Variants in XKR6 observed in about 807,000 individuals in gnomAD.
XKR6 encodes XK-related protein 6.
A neutral mutation model predicts 56.7 loss-of-function variants in XKR6; 22 were observed. The ratio of observed to expected loss-of-function variants is 0.39; its 90% CI spans 0.28 to 0.55. The LOEUF (loss-of-function observed/expected upper bound fraction) is 0.55. Ranked by LOEUF, XKR6 falls within the 20% of genes least tolerant of loss-of-function variation. The pLI, the probability that XKR6 is intolerant of heterozygous loss-of-function variation, is 0.66. For missense variants in XKR6, 852 were observed against 889.0 expected, an observed-to-expected ratio of 0.96 and a Z score of 0.53; for synonymous variants, 524 against 387.8, an observed-to-expected ratio of 1.35 and a Z score of -4.13.
chr8:10,951,295 GT>G lies in XKR6; in HGVS notation c.765-26466del, dbSNP rs1181125312. Among the ~76,000 whole-genome samples the G allele has an allele frequency of 1.1e-3, 148 of 137,274 alleles. 1 individual carries two copies. The highest frequency in any genetic ancestry group is 1.7e-3 in the African/African-American group (51 of 30,350). The allele number at this position is 137,274 out of a possible 152,430, so 90.1% of individuals were successfully genotyped here. On this transcript the variant is annotated intron_variant, in intron 1 of 2. Transcript: ENST00000416569. ...CAGAGGGATAGAAAAGTGTGTGTGTGTGTGGGGGGGGGGGGCCCCCACAGTG... is the reference window on the plus strand; with the variant it reads ...CAGAGGGATAGAAAAGTGTGTGTGTGGTGGGGGGGGGGGGCCCCCACAGTG...
intron 1 of XKR6, among the ~76,000 whole-genome samples, chr8:11,016,753 C>T (rs1229321618): frequency 6.6e-6 from 1 of 152,230 alleles, no homozygotes; most frequent in Non-Finnish European, 1.5e-5. Flanking sequence ...CCCAACCCCT[C>T]CTTGCCCCGC....
chr8:10,938,608 T>C (rs1264713175), intron 1 of XKR6, among the ~76,000 whole-genome samples: 3 of 152,268 alleles, frequency 2.0e-5, no homozygotes, highest in Admixed American at 6.5e-5. Flanking sequence ...TCGATAGTTA[T>C]ATACAGTGTG....
intron 1 of XKR6, among the ~76,000 whole-genome samples, chr8:11,132,783 A>ACACACACACACG (rs1800174974): frequency 1.4e-5 from 2 of 145,796 alleles, no homozygotes; most frequent in Non-Finnish European, 3.0e-5. Context: ...ACACACACAC[A>ACACACACACACG]CACGCACATT....
intron 2 of XKR6, among the ~76,000 whole-genome samples, chr8:10,911,977 GAGAA>G (rs1386750663): frequency 3.4e-5 from 5 of 146,928 alleles, no homozygotes; most frequent in African/African-American, 1.3e-4. Context: ...CATATATATG[GAGAA>G]AGAGAGAGAA....
At chr8:10,969,245 T>C (rs1301538328) in intron 1 of XKR6, among the ~76,000 whole-genome samples, 2 of 152,110 alleles carry the variant, frequency 1.3e-5, no homozygotes, top group Non-Finnish European at 2.9e-5. Flanking sequence ...AGATGCATGG[T>C]TCCTGAAACT....
intron 1 of XKR6, among the ~76,000 whole-genome samples, chr8:11,046,340 C>T (rs543115257): frequency 9.2e-5 from 14 of 152,168 alleles, no homozygotes; most frequent in Middle Eastern, 6.8e-3. Context: ...ACAGAGGTTG[C>T]AATGAGCCGA....
chr8:11,039,539 A>G (rs565763702), intron 1 of XKR6, among the ~76,000 whole-genome samples: 3 of 152,216 alleles, frequency 2.0e-5, no homozygotes, highest in Non-Finnish European at 4.4e-5. Flanking sequence ...TGACGGACCC[A>G]TGGCTGGGGC....
intron 1 of XKR6, among the ~76,000 whole-genome samples, chr8:11,075,824 G>C (rs567246834): frequency 3.3e-5 from 5 of 152,230 alleles, no homozygotes; most frequent in African/African-American, 1.2e-4. Context: ...AGTGAGCTGA[G>C]ATCACACCAT....
chr8:11,145,332 C>T (rs1216620787), intron 1 of XKR6, among the ~76,000 whole-genome samples: 2 of 152,188 alleles, frequency 1.3e-5, no homozygotes, highest in Admixed American at 6.5e-5. Context: ...GCACCAGAAA[C>T]GTCTCTAAGT....
chr8:11,148,459 C>A (rs1011857396), intron 1 of XKR6, among the ~76,000 whole-genome samples: 3 of 152,192 alleles, frequency 2.0e-5, no homozygotes, highest in African/African-American at 7.2e-5. Flanking sequence ...GACTCCAGAA[C>A]TCTGAAGAAA....
chr8:10,943,974 T>G (rs754510257), intron 1 of XKR6, among the ~76,000 whole-genome samples: 6 of 152,068 alleles, frequency 3.9e-5, no homozygotes, highest in Non-Finnish European at 5.9e-5. Context: ...TGCCTCTGTT[T>G]CCCACCCCTG....
intron 1 of XKR6, among the ~76,000 whole-genome samples, chr8:10,990,717 C>T (rs928942659): frequency 7.9e-5 from 12 of 151,924 alleles, no homozygotes; most frequent in Non-Finnish European, 1.5e-5. Context: ...GTAGCTGGGA[C>T]CACAGGCATG....
intron 1 of XKR6, among the ~76,000 whole-genome samples, chr8:10,997,675 G>A (rs1462600727): frequency 2.6e-5 from 4 of 152,196 alleles, no homozygotes; most frequent in Non-Finnish European, 5.9e-5. Context: ...GTGTGGAAAT[G>A]CAATGAGGCT....
At chr8:11,154,135 GT>G (rs1249990475) in intron 1 of XKR6, among the ~76,000 whole-genome samples, 3 of 152,172 alleles carry the variant, frequency 2.0e-5, no homozygotes, top group African/African-American at 7.2e-5. Flanking sequence ...TAGGGTGGGG[GT>G]TGGCCACACT....
chr8:11,032,615 G>A (rs1799018817), intron 1 of XKR6, among the ~76,000 whole-genome samples: 1 of 152,172 alleles, frequency 6.6e-6, no homozygotes, highest in Admixed American at 6.5e-5. Context: ...AGAAGGGAGG[G>A]AAGTTGAGGG....
chr8:11,007,965 C>G (rs553054921), intron 1 of XKR6, among the ~76,000 whole-genome samples: 41 of 151,872 alleles, frequency 2.7e-4, no homozygotes, highest in Admixed American at 1.1e-3. Flanking sequence ...AGCAAAGCAG[C>G]ATGGGGCGAG....
At chr8:11,113,623 G>C (rs557359976) in intron 1 of XKR6, among the ~76,000 whole-genome samples, 1 of 152,084 alleles carries the variant, frequency 6.6e-6, no homozygotes, top group Non-Finnish European at 1.5e-5. Flanking sequence ...AAACCTGTAA[G>C]TCTGGATTCC....
chr8:11,159,481 A>T (rs1334071872), intron 1 of XKR6, among the ~76,000 whole-genome samples: 1 of 152,190 alleles, frequency 6.6e-6, no homozygotes, highest in Non-Finnish European at 1.5e-5. Flanking sequence ...CTGCTAACAG[A>T]CGCTGCTTCT....
At chr8:10,900,671 A>G (rs1157904720) in intron 2 of XKR6, among the ~76,000 whole-genome samples, 2 of 152,148 alleles carry the variant, frequency 1.3e-5, no homozygotes, top group East Asian at 3.8e-4. Context: ...TCTGAACATG[A>G]CACATGTCCT....
Sources: gnomAD v4.1 joint callset for allele counts (sites outside exome capture counted in the v4.1 genomes callset) on GRCh38, gnomAD v4.1.1 for gene constraint, MANE v1.5 for transcripts, NCBI Gene and HGNC (gene_info 2026-07-23, HGNC 2026-07-21) for gene names.